The following ARFGEF3 variants were observed in gnomAD, a reference collection of about 807,000 sequenced individuals.
ARFGEF3 encodes ARFGEF family member 3.
ARFGEF3 carries 96 observed loss-of-function variants against 221.7 expected under a neutral mutation model. The observed-to-expected ratio is 0.43, with a 90% CI of 0.37 to 0.51. ARFGEF3 has a LOEUF of 0.51. Among genes scored for constraint, ARFGEF3 ranks in the 20% least tolerant of loss-of-function variants. The pLI is 0.00. For missense variants in ARFGEF3, 2,410 were observed against 2,789.9 expected (o/e 0.86, Z 3.07); for synonymous variants, 1,145 against 1,126.8 (o/e 1.02, Z -0.32).
At chr6:138,247,438 T>C (rs145180147) in intron 8 of ARFGEF3, among the ~76,000 whole-genome samples, 6 of 152,316 alleles carry the variant, frequency 3.9e-5, no homozygotes, top group African/African-American at 1.2e-4. Flanking sequence ...GTGTTCACTC[T>C]ACCCATCAAT....
At chr6:138,242,463 T>C (rs1296917387) in intron 6 of ARFGEF3, among the ~76,000 whole-genome samples, 2 of 152,200 alleles carry the variant, frequency 1.3e-5, no homozygotes, top group Non-Finnish European at 2.9e-5. Flanking sequence ...TGACCAGTGG[T>C]TATCTTTGGA....
intron 4 of ARFGEF3, among the ~76,000 whole-genome samples, chr6:138,225,394 C>G (rs2114525044): frequency 6.6e-6 from 1 of 152,338 alleles, no homozygotes; most frequent in East Asian, 1.9e-4. Flanking sequence ...TCCCTTTTCT[C>G]TCCAGTGTTG....
chr6:138,165,806 T>C (rs1268843316), intron 1 of ARFGEF3, among the ~76,000 whole-genome samples: 1 of 152,192 alleles, frequency 6.6e-6, no homozygotes, highest in Non-Finnish European at 1.5e-5. Context: ...CATTCCTCAC[T>C]CAGATCATTT....
intron 31 of ARFGEF3, among the ~76,000 whole-genome samples, chr6:138,326,601 C>A (rs1413650719): frequency 6.6e-6 from 1 of 152,022 alleles, no homozygotes; most frequent in East Asian, 1.9e-4. Flanking sequence ...AGTAAAAAGT[C>A]AAAAAACAAT....
In ARFGEF3 at chr6:138,319,825, A is replaced by C. The variant is rs1018369189; in HGVS notation, c.4597A>C (p.Ile1533Leu). The C allele has an allele frequency of 1.9e-6, 3 of 1,614,024 alleles. No homozygotes were observed. Among genetic ancestry groups the C allele is most frequent in the Non-Finnish European group, 2.5e-6 (3 of 1,179,882 alleles). The change falls in exon 28 of 34, where the codon ATT (isoleucine) becomes CTT (leucine). Residue 1533 changes from isoleucine to leucine, a missense_variant. Around this residue, in one of 5 missense-constraint regions of ARFGEF3, gnomAD observed 723 missense variants for 991.9 expected, o/e 0.73. Transcript: ENST00000251691. ...DMASANFKHA[I>L]GLSCELVVEH... is the part of the protein sequence containing the mutation. ...GGCCTCTGCCAATTTCAAGCACGCT[A>C]TTGGTCTGTCCTGTGAGCTGGTGGT...
In ARFGEF3 at chr6:138,261,610, A is replaced by T; in HGVS notation, c.1188A>T (p.Lys396Asn). 6.4e-7 allele frequency: 1 copy of T among 1,567,440 alleles called. No individual in the cohort carries two copies. The highest frequency in any genetic ancestry group is 8.7e-7 in the Non-Finnish European group (1 of 1,154,470). Residue 396 changes from lysine to asparagine, a missense_variant, in exon 11 of 34, where the codon AAA (lysine) becomes AAT (asparagine). Physicochemically the swap from Lys to Asn is moderately conservative, Grantham distance 94. Around this residue, in one of 5 missense-constraint regions of ARFGEF3, gnomAD observed 570 missense variants for 586.9 expected, o/e 0.97. Coordinates refer to ENST00000251691, the MANE Select transcript of ARFGEF3 (RefSeq NM_020340.5). The part of the protein sequence containing the change: ...ESESRKRSIS[K>N]RKSHLDLLKL... The stretch of plus-strand genomic sequence containing the variant: ...AGTCCAGAAAAAGATCAATTTCAAA[A>T]AGAAAGTCTCATCTGGATCTCCTCA...
rs545962916 is a variant in ARFGEF3 at position 138,266,345 on chromosome 6, AG to A, written c.2128+2737del. Among the ~76,000 whole-genome samples the A allele has an allele frequency of 3.0e-3, 457 of 152,152 alleles. 1 individual carries two copies. The Middle Eastern group carries it at 0.031, about 10-fold the overall frequency. On this transcript the variant is annotated intron_variant, in intron 12 of 33. Transcript: ENST00000251691. ...GCAGAGAGAAAGAAGGGAAGGCAGA[AG>A]GGAAGGGAAAACGGAAGGGAAAAGG...
At chr6:138,320,503 C>G (rs531867607) in intron 28 of ARFGEF3, among the ~76,000 whole-genome samples, 25 of 152,214 alleles carry the variant, frequency 1.6e-4, no homozygotes, top group South Asian at 4.2e-4. Context: ...ATGTGGGTGT[C>G]CGGGAGCAGA....
At chr6:138,277,406 T>G (rs998861953) in intron 12 of ARFGEF3, among the ~76,000 whole-genome samples, 2 of 152,248 alleles carry the variant, frequency 1.3e-5, no homozygotes, top group Non-Finnish European at 2.9e-5. Context: ...CTTTTGGCTG[T>G]TGTGAGTAAT....
intron 22 of ARFGEF3, among the ~76,000 whole-genome samples, chr6:138,299,198 TAAAAA>T (rs60475752): frequency 2.5e-5 from 1 of 39,424 alleles, no homozygotes; most frequent in African/African-American, 6.4e-5. Flanking sequence ...CGAGACTCTG[TAAAAA>T]AAAAAAAAAA....
At chr6:138,259,686 C>T (rs530834367) in intron 10 of ARFGEF3, among the ~76,000 whole-genome samples, 52 of 152,156 alleles carry the variant, frequency 3.4e-4, no homozygotes, top group African/African-American at 1.0e-3. Context: ...CCAAGTTGGG[C>T]GGATCATCTG....
At chr6:138,167,823 T>C (rs6922973) in intron 1 of ARFGEF3, among the ~76,000 whole-genome samples, 26,288 of 152,170 alleles carry the variant, frequency 0.17, 3,640 homozygotes, top group African/African-American at 0.39. Context: ...TGACATGCCA[T>C]GTTAAAACAC....
chr6:138,324,903 C>G (rs1006860957), intron 31 of ARFGEF3, among the ~76,000 whole-genome samples: 1 of 152,232 alleles, frequency 6.6e-6, no homozygotes, highest in Non-Finnish European at 1.5e-5. Context: ...GGACGTGACT[C>G]TCAGCAGCAG....
intron 10 of ARFGEF3, among the ~76,000 whole-genome samples, chr6:138,256,985 G>C (rs889084688): frequency 3.3e-5 from 5 of 152,020 alleles, no homozygotes; most frequent in African/African-American, 4.8e-5. Flanking sequence ...TGTTGCCCAG[G>C]CTGGTCTCAA....
chr6:138,256,518 G>A (rs1363604885), intron 10 of ARFGEF3, among the ~76,000 whole-genome samples: 3 of 151,728 alleles, frequency 2.0e-5, no homozygotes, highest in Non-Finnish European at 2.9e-5. Context: ...TTTATTTTAA[G>A]CAATCATTGC....
chr6:138,270,470 A>G (rs1169262632), intron 12 of ARFGEF3, among the ~76,000 whole-genome samples: 1 of 151,588 alleles, frequency 6.6e-6, no homozygotes, highest in East Asian at 1.9e-4. Context: ...ACACATATAT[A>G]TATCTGGGCT....
intron 5 of ARFGEF3, among the ~76,000 whole-genome samples, chr6:138,232,904 T>A (rs559758409): frequency 6.6e-6 from 1 of 152,188 alleles, no homozygotes; most frequent in Non-Finnish European, 1.5e-5. Flanking sequence ...ATTGCAAACA[T>A]GTACTGTTAA....
chr6:138,208,932 C>T (rs1321262316), intron 3 of ARFGEF3, among the ~76,000 whole-genome samples: 2 of 152,030 alleles, frequency 1.3e-5, no homozygotes, highest in African/African-American at 2.4e-5. Context: ...ATTTTAGAAG[C>T]TTAATCTGTT....
At chr6:138,240,238 T>A (rs1284310239) in intron 6 of ARFGEF3, among the ~76,000 whole-genome samples, 13 of 152,176 alleles carry the variant, frequency 8.5e-5, no homozygotes, top group Non-Finnish European at 1.6e-4. Context: ...AAAATTTTAA[T>A]TGAGATAAAT....
Sources: allele counts gnomAD v4.1 joint callset (sites outside exome capture counted in the v4.1 genomes callset), GRCh38; gene constraint gnomAD v4.1.1; regional missense constraint gnomAD v4.1.1; transcripts MANE v1.5; gene names NCBI Gene and HGNC (gene_info 2026-07-23, HGNC 2026-07-21).